The following MYBL2 variants were observed in gnomAD, a reference collection of about 807,000 sequenced individuals.
The protein encoded by MYBL2 is MYB proto-oncogene like 2, also known as myb-related protein B.
A neutral mutation model predicts 79.9 loss-of-function variants in MYBL2; 28 were observed. That is an observed-to-expected ratio of 0.35 (90% confidence interval 0.26 to 0.48). The LOEUF (loss-of-function observed/expected upper bound fraction) is 0.48. Ranked by LOEUF, MYBL2 falls within the 20% of genes least tolerant of loss-of-function variation. The pLI, the probability that MYBL2 is intolerant of heterozygous loss-of-function variation, is 0.99. For missense variants in MYBL2, 735 were observed against 893.9 expected (o/e 0.82, Z 2.27); for synonymous variants, 378 against 361.2 (o/e 1.05, Z -0.53).
chr20:43,692,454 T>G, intron 6 of MYBL2, 135 bp downstream of exon 6: 1 of 1,066,846 alleles, frequency 9.4e-7, no homozygotes, highest in Non-Finnish European at 1.3e-6. Flanking sequence ...TTCTGGGGCC[T>G]TGTGAGACTT....
chr20:43,684,838 T>TAA (rs3091560), intron 4 of MYBL2, among the ~76,000 whole-genome samples: 1 of 140,894 alleles, frequency 7.1e-6, no homozygotes, highest in African/African-American at 2.6e-5. Flanking sequence ...CCCTGTCTCT[T>TAA]AAAAAAAAAA....
intron 6 of MYBL2, among the ~76,000 whole-genome samples, chr20:43,692,528 A>G (rs1435219329): frequency 6.6e-6 from 1 of 152,160 alleles, no homozygotes; most frequent in African/African-American, 2.4e-5. Flanking sequence ...GATTATATAA[A>G]ACTGTGAATT....
At chr20:43,675,931 G>GCC (rs895922063) in intron 2 of MYBL2, among the ~76,000 whole-genome samples, 13 of 148,394 alleles carry the variant, frequency 8.8e-5, no homozygotes, top group Non-Finnish European at 1.8e-4. Flanking sequence ...TTTTAAGGCA[G>GCC]TCTCTCTCTG....
At chr20:43,715,701 TCTC>T (rs1280772747) in intron 13 of MYBL2, among the ~76,000 whole-genome samples, 3 of 152,154 alleles carry the variant, frequency 2.0e-5, no homozygotes, top group South Asian at 2.1e-4. Flanking sequence ...GGCTGTGGCT[TCTC>T]CTCGAGGCTG....
chr20:43,709,869 A>G (rs1022288125), intron 9 of MYBL2, 94 bp from the exon 10 acceptor site: 2 of 1,034,030 alleles, frequency 1.9e-6, no homozygotes, highest in South Asian at 1.7e-5. Context: ...GCTGGGGCCA[A>G]AGGTCGCACT....
intron 3 of MYBL2, 63 bp from the exon 4 acceptor site, chr20:43,682,731 G>C (rs1309600717): frequency 6.6e-7 from 1 of 1,521,638 alleles, no homozygotes; most frequent in African/African-American, 1.4e-5. Context: ...TACTTAACCA[G>C]GCCCCCAGCC....
At chr20:43,672,362 A>G (rs1325076096) in intron 1 of MYBL2, among the ~76,000 whole-genome samples, 1 of 22,166 alleles carries the variant, frequency 4.5e-5, no homozygotes, top group Non-Finnish European at 1.2e-4. Context: ...AGGCTGAGGC[A>G]GGAGGATCCC....
intron 1 of MYBL2, among the ~76,000 whole-genome samples, chr20:43,672,773 A>T (rs1273958932): frequency 6.6e-6 from 1 of 152,184 alleles, no homozygotes; most frequent in Non-Finnish European, 1.5e-5. Flanking sequence ...ACAAATGGAC[A>T]TAGAGAATAT....
At position 43,668,514 on chromosome 20, in the gene MYBL2, C is replaced by T. The variant is rs140943696; in HGVS notation, c.20+1211C>T. On this transcript the variant is annotated intron_variant, in intron 1 of 13. Coordinates refer to ENST00000217026, the MANE Select transcript of MYBL2 (RefSeq NM_002466.4). ...CTTGCCCGGCCAAACTTCGGTCCCTCTTTAGACGATAGCCTCATCTAAAGA... is the reference window on the plus strand; with the variant it reads ...CTTGCCCGGCCAAACTTCGGTCCCTTTTTAGACGATAGCCTCATCTAAAGA... Among the ~76,000 whole-genome samples the T allele has an allele frequency of 9.2e-3, 1,400 of 151,962 alleles. 12 individuals are homozygous for T. The highest frequency in any genetic ancestry group is 0.032 in the African/African-American group (1,320 of 41,454).
At chr20:43,708,325 C>G (rs902592693) in intron 9 of MYBL2, among the ~76,000 whole-genome samples, 1 of 152,116 alleles carries the variant, frequency 6.6e-6, no homozygotes, top group Non-Finnish European at 1.5e-5. Flanking sequence ...GTCTTGAACT[C>G]TGGGACTCAA....
chr20:43,713,100 A>G lies in MYBL2; in HGVS notation c.1818A>G (p.Leu606=), dbSNP rs1186711132. Residue 606 remains leucine (L), a synonymous_variant, in exon 12 of 14, where the codon CTA becomes CTG. Coordinates refer to ENST00000217026, the MANE Select transcript of MYBL2 (RefSeq NM_002466.4). ...TGATGTCCACACTGCCCAAGTCTCT[A>G]TCCTTGGTAAGGCTTCTGCTCCTTG... ...KLMMSTLPKS[L]SLPTTAPSNS... The G allele has an allele frequency of 2.5e-6, 4 of 1,611,364 alleles. No homozygotes were observed. The highest frequency in any genetic ancestry group is 2.7e-5 in the African/African-American group (2 of 74,878).
At chr20:43,678,814 A>C (rs1317234185) in intron 2 of MYBL2, among the ~76,000 whole-genome samples, 1 of 139,178 alleles carries the variant, frequency 7.2e-6, no homozygotes, top group Non-Finnish European at 1.5e-5. Context: ...CTGAGATCGC[A>C]CCATTGCACT....
In MYBL2 at chr20:43,700,108, C is replaced by T. The variant is rs552918354; in HGVS notation, c.951+64C>T. ...CCCCCAGCAGGAAGTGCTTCTCTCT[C>T]AGGCCCACATCCTTTTGCTCATTCC... On this transcript the variant is annotated intron_variant, in intron 7 of 13. Transcript: ENST00000217026. 8.3e-6 allele frequency: 13 copies of T among 1,566,980 alleles called. No individual in the cohort carries two copies. The Middle Eastern group carries it at 6.2e-4, about 75-fold the overall frequency.
chr20:43,690,832 C>T (rs1987389322), intron 5 of MYBL2, among the ~76,000 whole-genome samples: 1 of 152,184 alleles, frequency 6.6e-6, no homozygotes, highest in Non-Finnish European at 1.5e-5. Flanking sequence ...GATCCACCTG[C>T]CTCAGCCTCC....
chr20:43,680,394 G>C (rs2145712620), intron 2 of MYBL2, among the ~76,000 whole-genome samples: 1 of 152,358 alleles, frequency 6.6e-6, no homozygotes, highest in Admixed American at 6.5e-5. Flanking sequence ...CTGGCTATTT[G>C]ACTTAGCATA....
chr20:43,667,303 G>T lies in MYBL2; in HGVS notation c.20G>T (p.Cys7Phe). Reference protein sequence around the residue: MSRRTRCEDLDELHYQD... With the variant: MSRRTRFEDLDELHYQD... ...GGGGGGATGTCTCGGCGGACGCGCTGGTGAGACGAGCCGGGAGGGCTTGGG... is the reference window on the plus strand; with the variant it reads ...GGGGGGATGTCTCGGCGGACGCGCTTGTGAGACGAGCCGGGAGGGCTTGGG... The change falls in exon 1 of 14, where the codon TGC becomes TTC. Residue 7 changes from cysteine to phenylalanine, a missense_variant and splice_region_variant. Cys to Phe is a radical substitution (Grantham distance 205). Coordinates refer to ENST00000217026, the MANE Select transcript of MYBL2 (RefSeq NM_002466.4). 1 of 1,229,654 alleles carries T rather than the reference G, an allele frequency of 8.1e-7. No homozygotes were observed. 76.2% of individuals were successfully genotyped at this position (1,229,654 alleles called of 1,614,324 possible).
intron 5 of MYBL2, among the ~76,000 whole-genome samples, chr20:43,689,551 GT>G (rs2145719838): frequency 6.6e-6 from 1 of 152,264 alleles, no homozygotes; most frequent in South Asian, 2.1e-4. Flanking sequence ...TGTGCCTATT[GT>G]GTAGCTAATG....
At chr20:43,715,054 G>A in intron 12 of MYBL2, 80 bp from the exon 13 acceptor site, 1 of 1,540,372 alleles carries the variant, frequency 6.5e-7, no homozygotes, top group South Asian at 1.2e-5. Context: ...TGGTGGTGCT[G>A]GGGTGGGATT....
intron 12 of MYBL2, 127 bp from the exon 13 acceptor site, chr20:43,715,006 GA>G: frequency 9.0e-7 from 1 of 1,109,452 alleles, no homozygotes; most frequent in Non-Finnish European, 1.3e-6. Flanking sequence ...CTGAGGCTTG[GA>G]AAAGTGTGTA....
Sources: allele counts gnomAD v4.1 joint callset (sites outside exome capture counted in the v4.1 genomes callset), GRCh38; gene constraint gnomAD v4.1.1; transcripts MANE v1.5; gene names NCBI Gene and HGNC (gene_info 2026-07-23, HGNC 2026-07-21).